Variants in MTUS2 observed in about 807,000 individuals in gnomAD.
MTUS2 encodes microtubule associated scaffold protein 2, also known as microtubule-associated tumor suppressor candidate 2.
In MTUS2, 40 loss-of-function variants were observed where a neutral mutation model predicts 114.1. The ratio of observed to expected loss-of-function variants is 0.35; its 90% CI spans 0.27 to 0.46. The LOEUF (loss-of-function observed/expected upper bound fraction) is 0.46, where lower values mean the gene tolerates loss of function less well. Ranked by LOEUF, MTUS2 falls within the 20% of genes least tolerant of loss-of-function variation. MTUS2 has a pLI of 1.00. For synonymous variants in MTUS2, 688 were observed against 672.0 expected, an observed-to-expected ratio of 1.02 and a Z score of -0.37; for missense variants, 1,679 against 1,705.4, an observed-to-expected ratio of 0.98 and a Z score of 0.27.
intron 2 of MTUS2, among the ~76,000 whole-genome samples, chr13:28,883,414 G>T (rs1051159033): frequency 3.3e-5 from 5 of 152,166 alleles, no homozygotes; most frequent in African/African-American, 1.2e-4. Context: ...ATTCTTTAAT[G>T]AGTGGATAAA....
intron 7 of MTUS2, among the ~76,000 whole-genome samples, chr13:29,348,530 C>T (rs1868939014): frequency 1.3e-5 from 2 of 152,156 alleles, no homozygotes; most frequent in Non-Finnish European, 2.9e-5. Context: ...ACAGTGTCTA[C>T]TCTGCTGTTG....
At chr13:29,143,078 G>A (rs953132467) in intron 5 of MTUS2, among the ~76,000 whole-genome samples, 11 of 152,160 alleles carry the variant, frequency 7.2e-5, no homozygotes, top group African/African-American at 2.4e-4. Context: ...TGAACAGTGG[G>A]CGCCAGGAAT....
chr13:29,011,131 ATGGAATTTCT>A (rs1348938809), intron 2 of MTUS2, among the ~76,000 whole-genome samples: 2 of 152,208 alleles, frequency 1.3e-5, no homozygotes, highest in Non-Finnish European at 2.9e-5. Flanking sequence ...CATGAGACCT[ATGGAATTTCT>A]TTGAGCGTCT....
intron 8 of MTUS2, among the ~76,000 whole-genome samples, chr13:29,410,526 T>C (rs1407818643): frequency 6.6e-6 from 1 of 152,224 alleles, no homozygotes; most frequent in Non-Finnish European, 1.5e-5. Flanking sequence ...AATTTTTATA[T>C]GTTTAAGGGC....
In MTUS2 at chr13:29,100,803, C is replaced by T; in HGVS notation, c.2477C>T (p.Ala826Val). Residue 826 changes from alanine (A) to valine (V), a missense_variant, in exon 5 of 16, where the codon GCT (alanine) becomes GTT (valine). Transcript: ENST00000612955. Reference protein sequence around the residue: ...ADLKKASSSNAAKSNLPKSGL... With the variant: ...ADLKKASSSNVAKSNLPKSGL... ...TTAAAGAAAGCTTCCAGTTCAAATGCTGCAAAATCCAATCTCCCGAAATCT... is the reference window on the plus strand; with the variant it reads ...TTAAAGAAAGCTTCCAGTTCAAATGTTGCAAAATCCAATCTCCCGAAATCT... The T allele has an allele frequency of 6.4e-7, 1 of 1,551,624 alleles. No individual in the cohort carries two copies. The highest frequency in any genetic ancestry group is 8.7e-7 in the Non-Finnish European group (1 of 1,146,996).
At chr13:28,832,162 A>G (rs1874732581) in intron 1 of MTUS2, among the ~76,000 whole-genome samples, 1 of 152,234 alleles carries the variant, frequency 6.6e-6, no homozygotes, top group Non-Finnish European at 1.5e-5. Context: ...TTATAAGCCA[A>G]CTGGAATTAA....
chr13:29,163,745 A>G (rs1307201706), intron 5 of MTUS2, among the ~76,000 whole-genome samples: 5 of 152,256 alleles, frequency 3.3e-5, no homozygotes, highest in South Asian at 2.1e-4. Context: ...GCATGTAGGG[A>G]TGTGCAGCCA....
At chr13:28,899,698 C>A (rs1051741066) in intron 2 of MTUS2, among the ~76,000 whole-genome samples, 2 of 151,954 alleles carry the variant, frequency 1.3e-5, no homozygotes, top group African/African-American at 4.8e-5. Flanking sequence ...GTGTGAGCCA[C>A]CATGCCCAGC....
chr13:28,943,858 G>A (rs1199887054), intron 2 of MTUS2, among the ~76,000 whole-genome samples: 2 of 152,104 alleles, frequency 1.3e-5, no homozygotes, highest in African/African-American at 4.8e-5. Flanking sequence ...TATTCTAGGG[G>A]ATGCTCAGGA....
chr13:28,844,883 T>A (rs1177915842), intron 2 of MTUS2, among the ~76,000 whole-genome samples: 1 of 152,170 alleles, frequency 6.6e-6, no homozygotes, highest in Non-Finnish European at 1.5e-5. Context: ...CCCCAGAGTG[T>A]TGAGATTACA....
At chr13:29,438,594 A>G (rs1401055228) in intron 8 of MTUS2, among the ~76,000 whole-genome samples, 1 of 152,018 alleles carries the variant, frequency 6.6e-6, no homozygotes, top group Non-Finnish European at 1.5e-5. Flanking sequence ...TGACCTGATC[A>G]CTTCCCAGAA....
At chr13:29,269,452 A>C (rs1897792204) in intron 5 of MTUS2, among the ~76,000 whole-genome samples, 1 of 152,230 alleles carries the variant, frequency 6.6e-6, no homozygotes, top group Admixed American at 6.5e-5. Context: ...AGGTAAGAAA[A>C]TGATACGAAG....
chr13:29,303,522 G>C (rs968743433), intron 6 of MTUS2, among the ~76,000 whole-genome samples: 5 of 152,092 alleles, frequency 3.3e-5, no homozygotes, highest in African/African-American at 9.7e-5. Flanking sequence ...TGGACAGAGA[G>C]GAGGAAAGAA....
intron 5 of MTUS2, among the ~76,000 whole-genome samples, chr13:29,132,519 A>AC (rs1183416561): frequency 6.6e-6 from 1 of 151,944 alleles, no homozygotes; most frequent in African/African-American, 2.4e-5. Flanking sequence ...ATTTCCCCCA[A>AC]CCCTCCAGCC....
intron 8 of MTUS2, among the ~76,000 whole-genome samples, chr13:29,405,503 G>C (rs953958683): frequency 2.0e-5 from 3 of 152,142 alleles, no homozygotes; most frequent in African/African-American, 7.2e-5. Context: ...ATAAAAGTCA[G>C]CTTCTGAAGT....
intron 2 of MTUS2, among the ~76,000 whole-genome samples, chr13:28,878,475 G>C (rs1593265537): frequency 6.6e-6 from 1 of 151,952 alleles, no homozygotes; most frequent in East Asian, 1.9e-4. Context: ...TTGTTCCTGA[G>C]GCTCTCCCTC....
intron 6 of MTUS2, among the ~76,000 whole-genome samples, chr13:29,293,054 A>T (rs1355978553): frequency 6.6e-6 from 1 of 152,174 alleles, no homozygotes; most frequent in Admixed American, 6.5e-5. Flanking sequence ...AAATGTGGGG[A>T]TATGGAAAGT....
chr13:29,388,599 C>T (rs186715311), intron 8 of MTUS2, among the ~76,000 whole-genome samples: 72 of 151,042 alleles, frequency 4.8e-4, no homozygotes, highest in Non-Finnish European at 2.2e-4. Flanking sequence ...TTGTCAAAGT[C>T]AATTTAGACT....
At chr13:29,369,809 AATAG>A (rs1205248233) in intron 8 of MTUS2, among the ~76,000 whole-genome samples, 1 of 152,358 alleles carries the variant, frequency 6.6e-6, no homozygotes, top group East Asian at 1.9e-4. Flanking sequence ...ATGCTGACAA[AATAG>A]ATAGGAGGTG....
Sources: allele counts gnomAD v4.1 joint callset (sites outside exome capture counted in the v4.1 genomes callset), GRCh38; gene constraint gnomAD v4.1.1; transcripts MANE v1.5; gene names NCBI Gene and HGNC (gene_info 2026-07-23, HGNC 2026-07-21).